Variants in AGMO observed in about 807,000 individuals in gnomAD.
The protein encoded by AGMO is glyceryl-ether monooxygenase.
A neutral mutation model predicts 60.2 loss-of-function variants in AGMO; 75 were observed. That is an observed-to-expected ratio of 1.25 (90% CI 1.03 to 1.51). AGMO has a LOEUF of 1.51. Ranked by LOEUF, AGMO falls within the 40% of genes most tolerant of loss-of-function variation. The probability of loss-of-function intolerance (pLI) is 0.00; values close to 1 mark genes in which losing one functional copy is unlikely to be tolerated. For synonymous variants in AGMO, 261 were observed against 177.1 expected (o/e 1.47, Z -3.76); for missense variants, 763 against 525.5 (o/e 1.45, Z -4.42).
chr7:15,484,705 G>C (rs1782866371), intron 3 of AGMO, among the ~76,000 whole-genome samples: 1 of 152,136 alleles, frequency 6.6e-6, no homozygotes, highest in African/African-American at 2.4e-5. Context: ...AAAAGTACTA[G>C]AAACTTAAGT....
chr7:15,235,904 A>C (rs1373007851), intron 12 of AGMO, among the ~76,000 whole-genome samples: 6 of 152,160 alleles, frequency 3.9e-5, no homozygotes, highest in Non-Finnish European at 5.9e-5. Flanking sequence ...TAAATCAGGA[A>C]ATTCTACAGA....
At chr7:15,293,836 CTG>C (rs991399085) in intron 12 of AGMO, among the ~76,000 whole-genome samples, 4 of 152,126 alleles carry the variant, frequency 2.6e-5, no homozygotes, top group African/African-American at 7.2e-5. Flanking sequence ...TTAAATACTT[CTG>C]TGTTCCTAAC....
the AGMO span, among the ~76,000 whole-genome samples, chr7:15,156,727 G>C: frequency 2.0e-5 from 3 of 152,078 alleles, no homozygotes; most frequent in African/African-American, 7.2e-5. Context: ...TTCAGCTTGG[G>C]GTCTGTATCC....
At chr7:15,125,199 G>A in the AGMO span, among the ~76,000 whole-genome samples, 13 of 152,142 alleles carry the variant, frequency 8.5e-5, no homozygotes, top group East Asian at 1.7e-3. Flanking sequence ...TTCACTTTGA[G>A]AAGATATTTG....
At chr7:15,213,127 G>A (rs141939967) in intron 12 of AGMO, among the ~76,000 whole-genome samples, 1,560 of 151,836 alleles carry the variant, frequency 0.01, 38 homozygotes, top group African/African-American at 0.036. Flanking sequence ...TAAAATTCAT[G>A]AGATAAAACA....
intron 12 of AGMO, among the ~76,000 whole-genome samples, chr7:15,254,044 A>C (rs1242219619): frequency 1.3e-5 from 2 of 152,068 alleles, no homozygotes; most frequent in Non-Finnish European, 2.9e-5. Context: ...AATATGATAG[A>C]ATTTTATCAT....
intron 12 of AGMO, among the ~76,000 whole-genome samples, chr7:15,275,322 T>G (rs1783751008): frequency 6.6e-6 from 1 of 152,186 alleles, no homozygotes. Context: ...CAAGAGCAAG[T>G]TATTTTACAT....
chr7:15,406,154 G>C (rs1181001655), intron 5 of AGMO, among the ~76,000 whole-genome samples: 1 of 151,402 alleles, frequency 6.6e-6, no homozygotes, highest in Non-Finnish European at 1.5e-5. Flanking sequence ...TCAAAGGAGG[G>C]TGTGATCCTA....
chr7:15,118,165 TAA>T, the AGMO span, among the ~76,000 whole-genome samples: 64 of 49,058 alleles, frequency 1.3e-3, no homozygotes, highest in Non-Finnish European at 2.3e-3. Flanking sequence ...TAAAAACCAC[TAA>T]AGAGAAACAC....
chr7:15,163,478 A>G, the AGMO span, among the ~76,000 whole-genome samples: 1 of 151,918 alleles, frequency 6.6e-6, no homozygotes, highest in African/African-American at 2.4e-5. Flanking sequence ...GGCTTTTATT[A>G]TTTTGAGGTG....
At chr7:15,298,047 C>A (rs1029066116) in intron 12 of AGMO, among the ~76,000 whole-genome samples, 1 of 152,128 alleles carries the variant, frequency 6.6e-6, no homozygotes, top group African/African-American at 2.4e-5. Flanking sequence ...GGGAGCCATA[C>A]AAATTTATGT....
chr7:15,481,906 A>G (rs1782762975), intron 3 of AGMO, among the ~76,000 whole-genome samples: 1 of 151,662 alleles, frequency 6.6e-6, no homozygotes, highest in African/African-American at 2.4e-5. Flanking sequence ...AGAAAAATCT[A>G]ACTAGAACAC....
At chr7:15,175,124 T>A in the AGMO span, among the ~76,000 whole-genome samples, 1 of 151,938 alleles carries the variant, frequency 6.6e-6, no homozygotes, top group East Asian at 1.9e-4. Context: ...TAGACAATGG[T>A]GCTATTAAAA....
chr7:15,533,218 T>C (rs1784411603), intron 3 of AGMO, among the ~76,000 whole-genome samples: 1 of 152,154 alleles, frequency 6.6e-6, no homozygotes, highest in South Asian at 2.1e-4. Context: ...AAAGAGTTCC[T>C]GTTATGCTGT....
chr7:15,440,681 T>C (rs891345500), intron 3 of AGMO, among the ~76,000 whole-genome samples: 1 of 152,186 alleles, frequency 6.6e-6, no homozygotes, highest in South Asian at 2.1e-4. Context: ...AGCTCCACTT[T>C]ATAGTCGTCA....
chr7:15,460,226 C>G (rs1052537803), intron 3 of AGMO, among the ~76,000 whole-genome samples: 3 of 151,610 alleles, frequency 2.0e-5, no homozygotes, highest in African/African-American at 7.3e-5. Flanking sequence ...CCTGCCTCAG[C>G]CTCTTGAGTA....
At chr7:15,264,883 A>G (rs2128510883) in intron 12 of AGMO, among the ~76,000 whole-genome samples, 1 of 152,212 alleles carries the variant, frequency 6.6e-6, no homozygotes, top group African/African-American at 2.4e-5. Flanking sequence ...ACATTTCTCG[A>G]AGAACTCAAA....
At chr7:15,243,002 TG>T (rs919234095) in intron 12 of AGMO, among the ~76,000 whole-genome samples, 15 of 152,002 alleles carry the variant, frequency 9.9e-5, no homozygotes, top group Admixed American at 3.3e-4. Context: ...AAGATGTCAG[TG>T]GGGGGAGGTG....
chr7:15,531,314 ATACATATATTC>A (rs1161026051), intron 3 of AGMO, among the ~76,000 whole-genome samples: 1,099 of 91,358 alleles, frequency 0.012, 65 homozygotes, highest in African/African-American at 0.054. Context: ...TATATATTCT[ATACATATATTC>A]TATATATATT....
Sources: allele counts gnomAD v4.1 joint callset (sites outside exome capture counted in the v4.1 genomes callset), GRCh38; gene constraint gnomAD v4.1.1; transcripts MANE v1.5; gene names NCBI Gene and HGNC (gene_info 2026-07-23, HGNC 2026-07-21).